Variants in PARD3B observed in about 807,000 individuals in gnomAD.
PARD3B encodes partitioning defective 3 homolog B.
PARD3B carries 103 observed loss-of-function variants against 130.2 expected under a neutral mutation model. The ratio of observed to expected loss-of-function variants is 0.79; its 90% CI spans 0.67 to 0.93. The LOEUF is 0.93. Among genes scored for constraint, PARD3B ranks in the 40% least tolerant of loss-of-function variants. The probability of loss-of-function intolerance (pLI) is 0.00; values close to 1 mark genes in which losing one functional copy is unlikely to be tolerated. For missense variants in PARD3B, 1,609 were observed against 1,499.2 expected (o/e 1.07, Z -1.21); for synonymous variants, 583 against 553.2 (o/e 1.05, Z -0.76).
chr2:205,566,167 A>G (rs2053326353), intron 22 of PARD3B, among the ~76,000 whole-genome samples: 1 of 152,234 alleles, frequency 6.6e-6, no homozygotes, highest in Non-Finnish European at 1.5e-5. Context: ...CAGTCAGACC[A>G]TGAGTGGTCA....
chr2:204,798,079 A>T (rs1214632892), intron 2 of PARD3B, among the ~76,000 whole-genome samples: 1 of 152,224 alleles, frequency 6.6e-6, no homozygotes, highest in Non-Finnish European at 1.5e-5. Flanking sequence ...CTTCATAAGA[A>T]TCAAAAATCA....
intron 3 of PARD3B, among the ~76,000 whole-genome samples, chr2:204,991,261 A>G (rs1178032158): frequency 7.5e-6 from 1 of 133,870 alleles, no homozygotes; most frequent in Admixed American, 8.6e-5. Context: ...AGAGTGTGAT[A>G]TTCCCCTTCC....
chr2:205,301,002 C>T lies in PARD3B; in HGVS notation c.2392+266C>T, dbSNP rs1224240137. ...TTCTACAAGGACCAACTGTCATTTA[C>T]CCTTAGGGTAGGAGCACTAAGTATG... On this transcript the variant is annotated intron_variant, in intron 17 of 22. Transcript: ENST00000406610. This position sits in a 1 kb window ranked among gnomAD's most constrained non-coding sequence, Gnocchi z 5.2. 6.6e-6 allele frequency among the ~76,000 whole-genome samples: 1 copy of T among 152,216 alleles called. No individual in the cohort carries two copies. Among genetic ancestry groups the T allele is most frequent in the Non-Finnish European group, 1.5e-5 (1 of 68,050 alleles).
chr2:205,211,527 CGAT>C lies in PARD3B; in HGVS notation c.2140+18208_2140+18210del, dbSNP rs201938513. Among the ~76,000 whole-genome samples, 657 of 145,150 alleles carry C rather than the reference CGAT, an allele frequency of 4.5e-3. 4 individuals are homozygous for C. Among genetic ancestry groups the C allele is most frequent in the Non-Finnish European group, 5.2e-3 (345 of 66,664 alleles). ...AAGTTTGAGCGATGAGGTAAATAAA[CGAT>C]AATAACGCAATAAGTGAATAAAGTT... On this transcript the variant is annotated intron_variant, in intron 15 of 22. Coordinates refer to ENST00000406610, the MANE Select transcript of PARD3B (RefSeq NM_001302769.2).
chr2:205,068,560 G>C (rs1700530899), intron 4 of PARD3B, among the ~76,000 whole-genome samples: 2 of 138,460 alleles, frequency 1.4e-5, no homozygotes, highest in African/African-American at 5.4e-5. Context: ...AGTAGCCTAA[G>C]AATAGACAAG....
At chr2:204,729,643 A>T (rs950825783) in intron 2 of PARD3B, among the ~76,000 whole-genome samples, 2 of 152,204 alleles carry the variant, frequency 1.3e-5, no homozygotes, top group African/African-American at 4.8e-5. Flanking sequence ...AAGTCCCCAG[A>T]TAATGAAAGG....
In PARD3B at chr2:205,563,992, G is replaced by T. The variant is rs1051226680; in HGVS notation, c.3260+10589G>T. Among the ~76,000 whole-genome samples, 11 of 152,214 alleles carry T rather than the reference G, an allele frequency of 7.2e-5. No individual in the cohort carries two copies. Among genetic ancestry groups the T allele is most frequent in the Admixed American group, 3.3e-4 (5 of 15,280 alleles). On this transcript the variant is annotated intron_variant, in intron 22 of 22. Coordinates refer to ENST00000406610, the MANE Select transcript of PARD3B (RefSeq NM_001302769.2). This position sits in a 1 kb window ranked among gnomAD's most constrained non-coding sequence, Gnocchi z 4.2. ...TATTGTGCTCCAAGAACTCTGGCAA[G>T]TACTTTAAATATGTCACCTCATTTA...
At position 204,610,360 on chromosome 2, in the gene PARD3B, G is replaced by A. The variant is rs921755979; in HGVS notation, c.120+64241G>A. ...TCTATCGGCATTATTCTGACTTATT[G>A]TTCCCTTGTCCTTTTTATGGAGTCT... On this transcript the variant is annotated intron_variant, in intron 1 of 22. Transcript: ENST00000406610. This position sits in a 1 kb window ranked among gnomAD's most constrained non-coding sequence, Gnocchi z 4.1. Among the ~76,000 whole-genome samples, 1 of 152,120 alleles carries A rather than the reference G, an allele frequency of 6.6e-6. No homozygotes were observed. Among genetic ancestry groups the A allele is most frequent in the Non-Finnish European group, 1.5e-5 (1 of 68,014 alleles).
At chr2:205,247,698 C>T (rs1159054102) in intron 16 of PARD3B, among the ~76,000 whole-genome samples, 1 of 152,078 alleles carries the variant, frequency 6.6e-6, no homozygotes, top group East Asian at 1.9e-4. Context: ...TGTAGAAATG[C>T]TGAAAAATAA....
At chr2:205,464,401 G>C (rs1229510574) in intron 20 of PARD3B, among the ~76,000 whole-genome samples, 3 of 152,122 alleles carry the variant, frequency 2.0e-5, no homozygotes, top group African/African-American at 4.8e-5. Context: ...CTCGTAGACT[G>C]GGTATTAATG....
rs569397537 is a variant in PARD3B, at chr2:204,805,751, G to A, written c.222+119469G>A. The stretch of plus-strand genomic sequence containing the variant: ...TATACCAATGATGCAAGGCAAGGGT[G>A]GTTCACCACATACAAACCAATCAAA... On this transcript the variant is annotated intron_variant, in intron 2 of 22. Transcript: ENST00000406610. Among the ~76,000 whole-genome samples the A allele has an allele frequency of 7.9e-5, 12 of 152,166 alleles. No homozygotes were observed. The South Asian group carries it at 2.3e-3, about 29-fold the overall frequency.
At chr2:204,759,741 C>A (rs1313378170) in intron 2 of PARD3B, among the ~76,000 whole-genome samples, 1 of 152,068 alleles carries the variant, frequency 6.6e-6, no homozygotes. Flanking sequence ...CAAAGAGATG[C>A]CACTAATTTT....
At chr2:205,492,542 G>A (rs536745540) in intron 20 of PARD3B, among the ~76,000 whole-genome samples, 4 of 152,096 alleles carry the variant, frequency 2.6e-5, no homozygotes, top group African/African-American at 9.6e-5. Context: ...AGTAAATTTG[G>A]GAAGAAATTA....
chr2:204,798,880 C>T (rs1367344879), intron 2 of PARD3B, among the ~76,000 whole-genome samples: 1 of 152,096 alleles, frequency 6.6e-6, no homozygotes, highest in African/African-American at 2.4e-5. Context: ...TCAGCTGTAG[C>T]CAGTTAGTAC....
At chr2:205,539,574 G>C (rs149616454) in intron 21 of PARD3B, among the ~76,000 whole-genome samples, 2 of 152,308 alleles carry the variant, frequency 1.3e-5, no homozygotes, top group Non-Finnish European at 2.9e-5. Context: ...CTGCCAGACT[G>C]TTCACGAAGT....
chr2:204,792,099 G>A (rs1030520377), intron 2 of PARD3B, among the ~76,000 whole-genome samples: 7 of 151,986 alleles, frequency 4.6e-5, no homozygotes, highest in African/African-American at 1.7e-4. Flanking sequence ...CATGCCCTTG[G>A]GAAACTTGAT....
chr2:204,636,424 T>C (rs2034876602), intron 1 of PARD3B, among the ~76,000 whole-genome samples: 1 of 151,476 alleles, frequency 6.6e-6, no homozygotes, highest in Admixed American at 6.6e-5. Context: ...TCACAGGCCT[T>C]TCTGAGCTAA....
chr2:205,430,488 T>C (rs2047293926), intron 19 of PARD3B, among the ~76,000 whole-genome samples: 1 of 152,236 alleles, frequency 6.6e-6, no homozygotes, highest in Non-Finnish European at 1.5e-5. Flanking sequence ...ACTAGCCACA[T>C]TTCAAGAGTT....
chr2:204,899,131 A>T (rs1332592314), intron 2 of PARD3B, among the ~76,000 whole-genome samples: 2 of 151,700 alleles, frequency 1.3e-5, no homozygotes, highest in African/African-American at 4.8e-5. Flanking sequence ...ATAAATAAAG[A>T]CTTAATCTTG....
Sources: allele counts gnomAD v4.1 joint callset (sites outside exome capture counted in the v4.1 genomes callset), GRCh38; gene constraint gnomAD v4.1.1; non-coding constraint Gnocchi (gnomAD v3.1); transcripts MANE v1.5; gene names NCBI Gene and HGNC (gene_info 2026-07-23, HGNC 2026-07-21).